Variants in FLYWCH1 observed in about 807,000 individuals in gnomAD.
FLYWCH1 encodes the protein FLYWCH-type zinc finger 1.
In FLYWCH1, 75 loss-of-function variants were observed where a neutral mutation model predicts 66.4. The observed-to-expected ratio is 1.13, with a 90% CI of 0.94 to 1.37. The LOEUF (loss-of-function observed/expected upper bound fraction) is 1.37, where lower values mean the gene tolerates loss of function less well. FLYWCH1 is among the 40% of genes most tolerant of loss of function. The probability of loss-of-function intolerance (pLI) is 0.00; values close to 1 mark genes in which losing one functional copy is unlikely to be tolerated. For synonymous variants in FLYWCH1, 595 were observed against 429.9 expected (o/e 1.38, Z -4.75); for missense variants, 1,334 against 1,001.8 (o/e 1.33, Z -4.48).
Position 2,949,078 on chromosome 16 carries a change from G to A in FLYWCH1, c.*351G>A, listed in dbSNP as rs1325575759. The A allele has an allele frequency of 2.8e-6, 1 of 353,018 alleles. No homozygotes were observed. The highest frequency in any genetic ancestry group is 2.1e-5 in the African/African-American group (1 of 47,464). 21.9% of individuals were successfully genotyped at this position (353,018 alleles called of 1,614,324 possible). A position where few individuals can be genotyped will look rare whatever the true frequency, so the allele number is the denominator to read the frequency against. ...TTGCAGAGCACGCAGCCTTCCTAGG[G>A]CTTTCCACCTGGCGAGGCCCCGCTC... On this transcript the variant is annotated 3_prime_UTR_variant, in exon 10 of 10. Transcript: ENST00000253928.
chr16:2,927,236 T>C (rs1352842586), intron 2 of FLYWCH1, among the ~76,000 whole-genome samples: 1 of 152,156 alleles, frequency 6.6e-6, no homozygotes, highest in Non-Finnish European at 1.5e-5. Context: ...CACCACCTAG[T>C]GGACAAGGTA....
chr16:2,946,537 G>A (rs1443120904), intron 9 of FLYWCH1, among the ~76,000 whole-genome samples: 1 of 151,862 alleles, frequency 6.6e-6, no homozygotes, highest in Non-Finnish European at 1.5e-5. Context: ...TGGCCAGGCT[G>A]GTCTCGTACT....
intron 4 of FLYWCH1, among the ~76,000 whole-genome samples, chr16:2,932,686 T>A (rs2070809744): frequency 6.6e-6 from 1 of 152,186 alleles, no homozygotes; most frequent in African/African-American, 2.4e-5. Context: ...TTGTGTGTTT[T>A]ATTCAAAAAT....
At chr16:2,937,429 A>G (rs761732567) in intron 7 of FLYWCH1, 45 bp downstream of exon 7, 2 of 1,480,394 alleles carry the variant, frequency 1.4e-6, no homozygotes, top group Admixed American at 2.3e-5. Context: ...GTCTCCCAGG[A>G]CCTGTGCCCC....
intron 9 of FLYWCH1, 128 bp downstream of exon 9, chr16:2,940,220 C>G (rs1255341647): frequency 3.3e-6 from 2 of 611,822 alleles, no homozygotes; most frequent in African/African-American, 3.7e-5. Context: ...CTGGGTGGTT[C>G]TGACTCCTGA....
chr16:2,928,377 TG>T (rs1329533170), intron 2 of FLYWCH1, among the ~76,000 whole-genome samples: 1 of 152,088 alleles, frequency 6.6e-6, no homozygotes, highest in East Asian at 1.9e-4. Flanking sequence ...GCTGTCTCAG[TG>T]GGGGGAAACC....
At chr16:2,933,003 A>C (rs1050188827) in intron 4 of FLYWCH1, 127 bp from the exon 5 acceptor site, 2 of 816,164 alleles carry the variant, frequency 2.5e-6, no homozygotes, top group African/African-American at 3.5e-5. Context: ...TATCTGGCTC[A>C]GGAAGCCAGG....
In FLYWCH1 at chr16:2,940,027, C is replaced by A; in HGVS notation, c.2051-5C>A. 1 of 1,601,434 alleles carries A rather than the reference C, an allele frequency of 6.2e-7. No homozygotes were observed. The highest frequency in any genetic ancestry group is 1.1e-5 in the South Asian group (1 of 89,380). The stretch of plus-strand genomic sequence containing the variant: ...TAATTCATATTTTCAATTATTTTTC[C>A]ACAGAAAAGATTCAAGTTCAGCTGT... On this transcript the variant is annotated splice_polypyrimidine_tract_variant and splice_region_variant and intron_variant, in intron 8 of 9. Transcript: ENST00000253928.
intron 6 of FLYWCH1, chr16:2,936,520 G>A: frequency 2.2e-6 from 1 of 449,904 alleles, no homozygotes; most frequent in Non-Finnish European, 4.5e-6. Flanking sequence ...GCCACCCGAT[G>A]TGTCCACGAT....
In FLYWCH1 at chr16:2,929,846, G is replaced by C. The variant is rs764242615; in HGVS notation, c.161G>C (p.Gly54Ala). 1.2e-6 allele frequency: 2 copies of C among 1,613,976 alleles called. No individual in the cohort carries two copies. The highest frequency in any genetic ancestry group is 4.5e-5 in the East Asian group (2 of 44,886). Residue 54 changes from glycine (G) to alanine (A), a missense_variant, in exon 3 of 10, where the codon GGG becomes GCG. Gly to Ala is a moderately conservative substitution (Grantham distance 60, BLOSUM62 0). Coordinates refer to ENST00000253928, the MANE Select transcript of FLYWCH1 (RefSeq NM_001308068.2). ...ACAGCCTCCGACCAAGATGAGGATG[G>C]GGTGGGATCCAAGCCCCAGGAAGTG... ...LLTASDQDED[G>A]VGSKPQEVHC...
chr16:2,939,298 A>G (rs950419526), intron 8 of FLYWCH1, among the ~76,000 whole-genome samples: 1 of 152,040 alleles, frequency 6.6e-6, no homozygotes, highest in Non-Finnish European at 1.5e-5. Context: ...ATACAAAATT[A>G]GCTGGACATG....
chr16:2,940,792 T>C (rs2071228129), intron 9 of FLYWCH1, among the ~76,000 whole-genome samples: 1 of 152,122 alleles, frequency 6.6e-6, no homozygotes, highest in Non-Finnish European at 1.5e-5. Context: ...CTTTGTATCA[T>C]TTCAGTCCTT....
chr16:2,913,441 C>T (rs983270964), intron 1 of FLYWCH1, among the ~76,000 whole-genome samples: 4 of 152,082 alleles, frequency 2.6e-5, no homozygotes, highest in Non-Finnish European at 5.9e-5. Context: ...CCTTTCTGTG[C>T]GCTCTAATTT....
At chr16:2,946,801 C>A (rs2071504836) in intron 9 of FLYWCH1, among the ~76,000 whole-genome samples, 1 of 152,164 alleles carries the variant, frequency 6.6e-6, no homozygotes, top group Non-Finnish European at 1.5e-5. Context: ...ACCACTGTGA[C>A]AGACCACTTC....
chr16:2,932,664 A>G (rs1027839503), intron 4 of FLYWCH1, among the ~76,000 whole-genome samples: 6 of 152,150 alleles, frequency 3.9e-5, no homozygotes. Flanking sequence ...AACCATTTGA[A>G]TGTATTATAC....
rs575938934 is a variant in FLYWCH1 at position 2,927,922 on chromosome 16, A to G, written c.-73-1691A>G. 2.6e-5 allele frequency among the ~76,000 whole-genome samples: 4 copies of G among 152,310 alleles called. No homozygotes were observed. The South Asian group carries it at 6.2e-4, about 24-fold the overall frequency. On this transcript the variant is annotated intron_variant, in intron 2 of 9. Transcript: ENST00000253928. Reference sequence around the variant, plus strand: ...GTTCCCTCAGTATTTATTGATGACTATTTTTACTATCTTGGCAAGGGGAGT... The same window carrying G: ...GTTCCCTCAGTATTTATTGATGACTGTTTTTACTATCTTGGCAAGGGGAGT...
rs556609347 is a variant in FLYWCH1 at position 2,920,524 on chromosome 16, A to C, written c.-74+6235A>C. On this transcript the variant is annotated intron_variant, in intron 2 of 9. Coordinates refer to ENST00000253928, the MANE Select transcript of FLYWCH1 (RefSeq NM_001308068.2). ...GAGACTCTGTCTTAAAAAAAAAAAA[A>C]AACACTTTTCCACCAAGAGACCCTT... Among the ~76,000 whole-genome samples the C allele has an allele frequency of 3.0e-4, 45 of 151,986 alleles. 3 individuals are homozygous for C. In the East Asian group the frequency reaches 7.4e-3, roughly 25 times the overall value.
chr16:2,912,129 G>C lies in FLYWCH1; in HGVS notation c.-213G>C, dbSNP rs554621661. 1 of 152,232 alleles carries C rather than the reference G, an allele frequency of 6.6e-6. No homozygotes were observed. Among genetic ancestry groups the C allele is most frequent in the African/African-American group, 2.4e-5 (1 of 41,466 alleles). The allele number at this position is 152,232 out of a possible 1,614,324, so 9.4% of individuals were successfully genotyped here. A position where few individuals can be genotyped will look rare whatever the true frequency, so the allele number is the denominator to read the frequency against. ...AAGGATCCGCCGCGGCGCTGTCGCG[G>C]GAGAGGGAGGGCCCCGCTGCCGTCG... On this transcript the variant is annotated 5_prime_UTR_variant, in exon 1 of 10. Transcript: ENST00000253928.
At position 2,937,177 on chromosome 16, in the gene FLYWCH1, T is replaced by A. The variant is rs764748252; in HGVS notation, c.1570T>A (p.Phe524Ile). The A allele has an allele frequency of 7.3e-7, 1 of 1,367,792 alleles. No individual in the cohort carries two copies. The allele number at this position is 1,367,792 out of a possible 1,614,324, so 84.7% of individuals were successfully genotyped here. Residue 524 changes from phenylalanine (F) to isoleucine (I), a missense_variant, in exon 7 of 10, where the codon TTC becomes ATC. Phe to Ile is a conservative substitution (Grantham distance 21, BLOSUM62 0). Transcript: ENST00000253928. The stretch of plus-strand genomic sequence containing the variant: ...GGGCAGCTTCCTGGTGTACGAGTCC[T>A]TCCTCTACCGGCGGGAGAAGGCGGC... ...LGGSFLVYES[F>I]LYRREKAAGE...
Sources: gnomAD v4.1 joint callset for allele counts (sites outside exome capture counted in the v4.1 genomes callset) on GRCh38, gnomAD v4.1.1 for gene constraint, MANE v1.5 for transcripts, NCBI Gene and HGNC (gene_info 2026-07-23, HGNC 2026-07-21) for gene names.